Variants in FMN1 observed in about 807,000 individuals in gnomAD.
FMN1 encodes the protein formin 1.
FMN1 carries 110 observed loss-of-function variants against 132.4 expected under a neutral mutation model. The ratio of observed to expected loss-of-function variants is 0.83; its 90% confidence interval spans 0.71 to 0.97. The LOEUF (loss-of-function observed/expected upper bound fraction) is 0.97, where lower values mean the gene tolerates loss of function less well. Ranked by LOEUF, FMN1 falls within the 50% of genes least tolerant of loss-of-function variation. FMN1 has a pLI of 0.00. For synonymous variants in FMN1, 722 were observed against 651.7 expected, an observed-to-expected ratio of 1.11 and a Z score of -1.64; for missense variants, 1,792 against 1,705.3, an observed-to-expected ratio of 1.05 and a Z score of -0.90.
intron 7 of FMN1, among the ~76,000 whole-genome samples, chr15:32,974,677 G>C (rs753966795): frequency 2.0e-5 from 3 of 152,222 alleles, no homozygotes; most frequent in Non-Finnish European, 4.4e-5. Context: ...CACTGCAAGA[G>C]ATTCCAATGG....
chr15:33,045,031 G>A lies in FMN1; in HGVS notation c.2161+19926C>T, dbSNP rs568266940. 4.6e-5 allele frequency among the ~76,000 whole-genome samples: 7 copies of A among 152,344 alleles called. No individual in the cohort carries two copies. The South Asian group carries it at 1.0e-3, about 23-fold the overall frequency. On this transcript the variant is annotated intron_variant, in intron 6 of 20. Transcript: ENST00000616417. Reference sequence around the variant, plus strand: ...GAGAAAAGAGCTGCCACCCTTCAGGGAGCCCAGACCTAGGAGCTCCCCAAG... The same window carrying A: ...GAGAAAAGAGCTGCCACCCTTCAGGAAGCCCAGACCTAGGAGCTCCCCAAG...
rs148355780 is a variant in FMN1 at position 33,055,803 on chromosome 15, A to G, written c.2161+9154T>C. ...GTAAAACTGAGAATTTATCCTAATC[A>G]AAAACCACTATTAAGAGAGAGAAAA... On this transcript the variant is annotated intron_variant, in intron 6 of 20. Transcript: ENST00000616417. Among the ~76,000 whole-genome samples, 325 of 152,346 alleles carry G rather than the reference A, an allele frequency of 2.1e-3. 1 individual carries two copies. Among genetic ancestry groups the G allele is most frequent in the African/African-American group, 7.5e-3 (313 of 41,596 alleles).
At chr15:32,875,107 T>C (rs1404697149) in intron 16 of FMN1, among the ~76,000 whole-genome samples, 11 of 152,238 alleles carry the variant, frequency 7.2e-5, no homozygotes, top group Admixed American at 7.2e-4. Context: ...TTTCAAACTG[T>C]ATAATCAAAA....
intron 18 of FMN1, among the ~76,000 whole-genome samples, chr15:32,800,369 A>C (rs1299045890): frequency 1.3e-5 from 2 of 152,222 alleles, no homozygotes; most frequent in East Asian, 3.8e-4. Flanking sequence ...ATAATTCCAA[A>C]CATACATAAT....
chr15:33,080,063 G>A (rs1432462965), intron 5 of FMN1, among the ~76,000 whole-genome samples: 1 of 150,846 alleles, frequency 6.6e-6, no homozygotes, highest in East Asian at 1.9e-4. Context: ...CAGGAAACAA[G>A]CTACTCTGAT....
chr15:33,113,491 T>C (rs998514561), intron 4 of FMN1, among the ~76,000 whole-genome samples: 4 of 152,164 alleles, frequency 2.6e-5, no homozygotes, highest in African/African-American at 9.7e-5. Context: ...TATAGACAAT[T>C]ATGCAGCCTC....
chr15:32,989,536 G>A (rs2140843260), intron 7 of FMN1, among the ~76,000 whole-genome samples: 1 of 151,804 alleles, frequency 6.6e-6, no homozygotes, highest in East Asian at 1.9e-4. Flanking sequence ...TTGTAGTCAA[G>A]TGCAGTTTAG....
intron 4 of FMN1, among the ~76,000 whole-genome samples, chr15:33,128,804 T>G (rs373149009): frequency 6.6e-6 from 1 of 152,246 alleles, no homozygotes; most frequent in Non-Finnish European, 1.5e-5. Context: ...CAAGATTTAC[T>G]GTCACGAGCA....
At chr15:32,970,463 G>C (rs74012410) in intron 7 of FMN1, among the ~76,000 whole-genome samples, 1,996 of 152,190 alleles carry the variant, frequency 0.013, 46 homozygotes, top group African/African-American at 0.046. Flanking sequence ...TATCCCAGCA[G>C]GTAGCCCAGG....
chr15:32,832,928 G>A (rs570386568), intron 17 of FMN1, among the ~76,000 whole-genome samples: 97 of 152,204 alleles, frequency 6.4e-4, no homozygotes, highest in Non-Finnish European at 1.1e-3. Context: ...GTAGGAAGTA[G>A]GGTAGACATC....
chr15:32,981,791 C>T (rs541112044), intron 7 of FMN1, among the ~76,000 whole-genome samples: 5 of 152,096 alleles, frequency 3.3e-5, no homozygotes, highest in South Asian at 2.1e-4. Flanking sequence ...CATTCCACAA[C>T]GTATACACAT....
chr15:32,769,533 T>A lies in FMN1; in HGVS notation c.*4777A>T, dbSNP rs1019617808. The stretch of plus-strand genomic sequence containing the variant: ...TAATGGAGAGATGAATATCATTATG[T>A]AAGTCTAAAGAAGAAAGATATGCTA... On this transcript the variant is annotated 3_prime_UTR_variant, in exon 21 of 21. Coordinates refer to ENST00000616417, the MANE Select transcript of FMN1 (RefSeq NM_001277313.2). The A allele has an allele frequency of 1.3e-5, 2 of 152,232 alleles. No homozygotes were observed. Among genetic ancestry groups the A allele is most frequent in the Non-Finnish European group, 2.9e-5 (2 of 68,036 alleles). 9.4% of individuals were successfully genotyped at this position (152,232 alleles called of 1,614,324 possible).
chr15:32,810,869 T>C (rs2057851417), intron 17 of FMN1: 2 of 429,840 alleles, frequency 4.7e-6, no homozygotes, highest in South Asian at 1.7e-5. Context: ...CCTGACATGG[T>C]TGGTATAAAC....
chr15:32,968,668 A>G, intron 8 of FMN1, 46 bp downstream of exon 8: 1 of 1,608,760 alleles, frequency 6.2e-7, no homozygotes, highest in African/African-American at 1.3e-5. Flanking sequence ...ACTTGGGCCA[A>G]ATCCTAGGAA....
At chr15:33,010,132 C>CT (rs1487162555) in intron 6 of FMN1, among the ~76,000 whole-genome samples, 1 of 152,152 alleles carries the variant, frequency 6.6e-6, no homozygotes, top group Non-Finnish European at 1.5e-5. Context: ...GATTCACCCC[C>CT]CTCGGCTTCT....
intron 6 of FMN1, among the ~76,000 whole-genome samples, chr15:33,019,247 T>G (rs2141006981): frequency 6.6e-6 from 1 of 152,308 alleles, no homozygotes; most frequent in East Asian, 1.9e-4. Flanking sequence ...CTAGATTAGC[T>G]AGATACAGAG....
intron 4 of FMN1, among the ~76,000 whole-genome samples, chr15:33,091,149 T>C (rs909926056): frequency 9.9e-5 from 15 of 152,148 alleles, no homozygotes; most frequent in African/African-American, 3.4e-4. Context: ...CAAAACACAA[T>C]GTACAACACC....
At chr15:32,875,862 C>G (rs2059624477) in intron 16 of FMN1, among the ~76,000 whole-genome samples, 1 of 152,170 alleles carries the variant, frequency 6.6e-6, no homozygotes, top group South Asian at 2.1e-4. Context: ...AATACAAGCT[C>G]ATGGTATGGT....
At chr15:32,830,358 T>G (rs1033876318) in intron 17 of FMN1, among the ~76,000 whole-genome samples, 4 of 152,190 alleles carry the variant, frequency 2.6e-5, no homozygotes, top group Non-Finnish European at 4.4e-5. Context: ...ATTAGTTTGA[T>G]TGTTTTTCCC....
Sources: gnomAD v4.1 joint callset for allele counts (sites outside exome capture counted in the v4.1 genomes callset) on GRCh38, gnomAD v4.1.1 for gene constraint, MANE v1.5 for transcripts, NCBI Gene and HGNC (gene_info 2026-07-23, HGNC 2026-07-21) for gene names.